The following TMEM132D variants were observed in gnomAD, a reference collection of about 807,000 sequenced individuals.
TMEM132D encodes the protein transmembrane protein 132D.
A neutral mutation model predicts 62.3 loss-of-function variants in TMEM132D; 21 were observed. That is an observed-to-expected ratio of 0.34 (90% CI 0.24 to 0.49). TMEM132D has a LOEUF of 0.49. Among genes scored for constraint, TMEM132D ranks in the 20% least tolerant of loss-of-function variants. The pLI is 0.99. For synonymous variants in TMEM132D, 621 were observed against 575.6 expected (o/e 1.08, Z -1.13); for missense variants, 1,346 against 1,402.8 (o/e 0.96, Z 0.65).
At chr12:129,325,313 A>G (rs1460951315) in intron 4 of TMEM132D, among the ~76,000 whole-genome samples, 2 of 152,202 alleles carry the variant, frequency 1.3e-5, no homozygotes, top group Non-Finnish European at 2.9e-5. Context: ...AAGTGAGGAT[A>G]AGGGAATACA....
intron 2 of TMEM132D, among the ~76,000 whole-genome samples, chr12:129,673,478 C>G (rs2137201625): frequency 6.6e-6 from 1 of 152,244 alleles, no homozygotes; most frequent in East Asian, 1.9e-4. Flanking sequence ...TGTTGTACAT[C>G]AGCCATGTAC....
chr12:129,527,045 A>G (rs1169662844), intron 3 of TMEM132D, among the ~76,000 whole-genome samples: 4 of 152,226 alleles, frequency 2.6e-5, no homozygotes. Context: ...ACGGTGGCTC[A>G]TTCCCATAAT....
Position 129,700,180 on chromosome 12 carries a change from A to G in TMEM132D, c.598T>C (p.Ser200Pro), listed in dbSNP as rs2137226346. The G allele has an allele frequency of 6.2e-7, 1 of 1,612,858 alleles. No homozygotes were observed. Among genetic ancestry groups the G allele is most frequent in the Non-Finnish European group, 8.5e-7 (1 of 1,179,980 alleles). The change falls in exon 2 of 9, where the codon TCC (serine) becomes CCC (proline). Residue 200 changes from serine to proline, a missense_variant. Ser to Pro is a moderately conservative substitution (Grantham distance 74). Transcript: ENST00000422113. ...ACCGTGGGGGGGCTGAACCAGCTGGACAGGAGCTCCAGCTCGGCCACGCAC... is the reference window on the plus strand; with the variant it reads ...ACCGTGGGGGGGCTGAACCAGCTGGGCAGGAGCTCCAGCTCGGCCACGCAC... ...GLCVAELELLSSWFSPPTVVA... is the reference protein window; with the variant it reads ...GLCVAELELLPSWFSPPTVVA...
At chr12:129,078,503 G>A (rs2135610830) in intron 8 of TMEM132D, 31 bp downstream of exon 8, 1 of 1,601,166 alleles carries the variant, frequency 6.2e-7, no homozygotes, top group South Asian at 1.1e-5. Flanking sequence ...GAGGGACCCT[G>A]CTGAAGTGTG....
At chr12:129,375,814 C>T (rs1870765164) in intron 3 of TMEM132D, among the ~76,000 whole-genome samples, 1 of 152,156 alleles carries the variant, frequency 6.6e-6, no homozygotes, top group African/African-American at 2.4e-5. Flanking sequence ...CAACATGGAG[C>T]TACTGATTTA....
chr12:129,507,497 T>C (rs1380032644), intron 3 of TMEM132D, among the ~76,000 whole-genome samples: 1 of 152,090 alleles, frequency 6.6e-6, no homozygotes, highest in Non-Finnish European at 1.5e-5. Flanking sequence ...AAAGAAAGTG[T>C]TGCACATAAA....
chr12:129,579,456 T>C (rs1048031764), intron 2 of TMEM132D, among the ~76,000 whole-genome samples: 2 of 152,132 alleles, frequency 1.3e-5, no homozygotes, highest in Admixed American at 6.6e-5. Context: ...AAGAGGCCAG[T>C]GGTGGCTCAG....
chr12:129,327,652 G>A lies in TMEM132D; in HGVS notation c.1299+9982C>T, dbSNP rs955756737. ...TAAGCAAGTGCTGGTGCTATACTTA[G>A]GAAATACATCCTGACACCTTCCACT... On this transcript the variant is annotated intron_variant, in intron 4 of 8. Transcript: ENST00000422113. Among the ~76,000 whole-genome samples the A allele has an allele frequency of 1.8e-4, 27 of 152,098 alleles. 1 individual carries two copies. The highest frequency in any genetic ancestry group is 5.8e-4 in the African/African-American group (24 of 41,402).
intron 1 of TMEM132D, among the ~76,000 whole-genome samples, chr12:129,746,591 C>T (rs1164733581): frequency 6.6e-6 from 1 of 152,092 alleles, no homozygotes; most frequent in African/African-American, 2.4e-5. Context: ...TCTCTCTCAG[C>T]AAAGAAATGC....
chr12:129,253,273 G>T (rs922446756), intron 4 of TMEM132D, among the ~76,000 whole-genome samples: 1 of 151,376 alleles, frequency 6.6e-6, no homozygotes, highest in Non-Finnish European at 1.5e-5. Flanking sequence ...CCTCAGTATT[G>T]CCTAGAAACT....
chr12:129,789,312 C>T (rs376109938), intron 1 of TMEM132D, among the ~76,000 whole-genome samples: 1 of 152,024 alleles, frequency 6.6e-6, no homozygotes, highest in African/African-American at 2.4e-5. Flanking sequence ...GGAGAACAAA[C>T]AATATTTGAT....
intron 4 of TMEM132D, among the ~76,000 whole-genome samples, chr12:129,226,656 G>A (rs567652324): frequency 1.3e-5 from 2 of 152,336 alleles, no homozygotes; most frequent in East Asian, 3.9e-4. Context: ...TTTCCCAGAG[G>A]AGCCAAGAAA....
chr12:129,157,324 G>A (rs745572153), intron 5 of TMEM132D, among the ~76,000 whole-genome samples: 3 of 152,200 alleles, frequency 2.0e-5, no homozygotes, highest in Non-Finnish European at 4.4e-5. Flanking sequence ...TCAAGTCTCC[G>A]ACTCATAAAC....
At chr12:129,261,349 C>G (rs1880545841) in intron 4 of TMEM132D, among the ~76,000 whole-genome samples, 1 of 152,120 alleles carries the variant, frequency 6.6e-6, no homozygotes, top group African/African-American at 2.4e-5. Flanking sequence ...GTTCTTGTGA[C>G]AGTGAATAAG....
At position 129,416,490 on chromosome 12, in the gene TMEM132D, A is replaced by G. The variant is rs183667135; in HGVS notation, c.1116-78673T>C. The stretch of plus-strand genomic sequence containing the variant: ...GGTTTTCTAAACATACAATCATGTC[A>G]TCTGCAAACAGAGACAATTTGACCT... On this transcript the variant is annotated intron_variant, in intron 3 of 8. Transcript: ENST00000422113. Among the ~76,000 whole-genome samples the G allele has an allele frequency of 3.3e-4, 50 of 152,318 alleles. No individual in the cohort carries two copies. The East Asian group carries it at 8.5e-3, about 26-fold the overall frequency.
rs191991580 is a variant in TMEM132D, at chr12:129,665,238, A to G, written c.968+34572T>C. 4.6e-5 allele frequency among the ~76,000 whole-genome samples: 7 copies of G among 152,214 alleles called. No homozygotes were observed. The East Asian group carries it at 1.4e-3, about 30-fold the overall frequency. Reference sequence around the variant, plus strand: ...GGGGTGGCAATTTCCTGCAACTCATACAACAGCAGTGATTCTCCAAGGAAA... The same window carrying G: ...GGGGTGGCAATTTCCTGCAACTCATGCAACAGCAGTGATTCTCCAAGGAAA... On this transcript the variant is annotated intron_variant, in intron 2 of 8. Transcript: ENST00000422113.
intron 2 of TMEM132D, among the ~76,000 whole-genome samples, chr12:129,673,486 T>C (rs566211533): frequency 1.3e-5 from 2 of 152,334 alleles, no homozygotes; most frequent in East Asian, 1.9e-4. Flanking sequence ...ATCAGCCATG[T>C]ACCAATCTGA....
chr12:129,219,971 T>G (rs1354765457), intron 4 of TMEM132D, among the ~76,000 whole-genome samples: 1 of 152,170 alleles, frequency 6.6e-6, no homozygotes, highest in Non-Finnish European at 1.5e-5. Context: ...GGCAACTTCT[T>G]GAATTGCTAA....
intron 3 of TMEM132D, among the ~76,000 whole-genome samples, chr12:129,467,155 G>GA (rs1217414366): frequency 1.3e-5 from 2 of 152,156 alleles, no homozygotes; most frequent in Non-Finnish European, 2.9e-5. Context: ...GTGCTTGCAA[G>GA]AAACAGACAC....
Sources: gnomAD v4.1 joint callset for allele counts (sites outside exome capture counted in the v4.1 genomes callset) on GRCh38, gnomAD v4.1.1 for gene constraint, MANE v1.5 for transcripts, NCBI Gene and HGNC (gene_info 2026-07-23, HGNC 2026-07-21) for gene names.